The following MAF variants were observed in gnomAD, a reference collection of about 807,000 sequenced individuals.
MAF encodes MAF bZIP transcription factor.
MAF carries 10 observed loss-of-function variants against 22.0 expected under a neutral mutation model. The observed-to-expected ratio is 0.45, with a 90% CI of 0.28 to 0.77. The LOEUF (loss-of-function observed/expected upper bound fraction) is 0.77, where lower values mean the gene tolerates loss of function less well. MAF is among the 30% of genes least tolerant of loss of function. MAF has a pLI of 0.12. For synonymous variants in MAF, 337 were observed against 255.8 expected, an observed-to-expected ratio of 1.32 and a Z score of -3.03; for missense variants, 544 against 548.4, an observed-to-expected ratio of 0.99 and a Z score of 0.08.
the MAF span, among the ~76,000 whole-genome samples, chr16:79,240,432 C>T: frequency 6.9e-6 from 1 of 145,006 alleles, no homozygotes; most frequent in Non-Finnish European, 1.5e-5. Flanking sequence ...CATCTTCCCC[C>T]TCTCCTACCA....
the MAF span, among the ~76,000 whole-genome samples, chr16:79,417,736 G>T: frequency 1.3e-5 from 2 of 152,112 alleles, no homozygotes; most frequent in Non-Finnish European, 2.9e-5. Context: ...GTTTTCTCTT[G>T]TTGACCAAAT....
At chr16:79,390,337 A>C in the MAF span, among the ~76,000 whole-genome samples, 1 of 152,150 alleles carries the variant, frequency 6.6e-6, no homozygotes, top group African/African-American at 2.4e-5. Flanking sequence ...GCAGGAGATA[A>C]GTGATATGGT....
chr16:79,249,348 G>C, the MAF span, among the ~76,000 whole-genome samples: 23,464 of 151,066 alleles, frequency 0.16, 2,961 homozygotes, highest in African/African-American at 0.35. Flanking sequence ...GAATCTGGGA[G>C]GTGGAGGTTG....
chr16:79,224,100 G>A, the MAF span, among the ~76,000 whole-genome samples: 4 of 152,070 alleles, frequency 2.6e-5, no homozygotes, highest in African/African-American at 4.8e-5. Context: ...ACATTGCTGC[G>A]AAAATCCTCA....
chr16:79,566,023 C>T, the MAF span, among the ~76,000 whole-genome samples: 1 of 152,202 alleles, frequency 6.6e-6, no homozygotes, highest in African/African-American at 2.4e-5. Flanking sequence ...CCCTGGGCCA[C>T]TCTGATCCTC....
the MAF span, among the ~76,000 whole-genome samples, chr16:79,457,033 G>A: frequency 6.6e-6 from 1 of 152,042 alleles, no homozygotes; most frequent in Non-Finnish European, 1.5e-5. Flanking sequence ...TAACCTTGTA[G>A]GGACTCATTG....
At chr16:79,594,874 G>A (rs1913420829) in intron 1 of MAF, 2 of 1,218,022 alleles carry the variant, frequency 1.6e-6, no homozygotes, top group Admixed American at 8.0e-5. Flanking sequence ...TCTAAAGTTT[G>A]GGGGCCCAAA....
At chr16:79,278,865 C>T in the MAF span, among the ~76,000 whole-genome samples, 1 of 152,130 alleles carries the variant, frequency 6.6e-6, no homozygotes, top group Non-Finnish European at 1.5e-5. Flanking sequence ...AAGGCACAGC[C>T]TACTGAACAC....
the MAF span, among the ~76,000 whole-genome samples, chr16:79,463,982 A>T: frequency 6.6e-6 from 1 of 151,464 alleles, no homozygotes; most frequent in Admixed American, 6.6e-5. Context: ...AAAAAAAAAA[A>T]TACGGACGAT....
At chr16:79,310,392 A>G in the MAF span, among the ~76,000 whole-genome samples, 4 of 152,180 alleles carry the variant, frequency 2.6e-5, no homozygotes, top group Admixed American at 6.5e-5. Flanking sequence ...TAAGAGAGAG[A>G]GAGACAGACA....
chr16:79,305,306 G>A, the MAF span, among the ~76,000 whole-genome samples: 4 of 152,254 alleles, frequency 2.6e-5, no homozygotes, highest in East Asian at 1.9e-4. Context: ...ATCCACTACC[G>A]ACCCGCCTGT....
the MAF span, among the ~76,000 whole-genome samples, chr16:79,293,307 G>A: frequency 6.6e-6 from 1 of 152,086 alleles, no homozygotes; most frequent in Non-Finnish European, 1.5e-5. Context: ...AGTCTACAGA[G>A]GATGGATTAA....
At chr16:79,408,323 C>A in the MAF span, among the ~76,000 whole-genome samples, 1 of 151,838 alleles carries the variant, frequency 6.6e-6, no homozygotes, top group East Asian at 1.9e-4. Context: ...ATTACAGGTG[C>A]CTGCCACCAC....
At chr16:79,254,391 G>GCT in the MAF span, among the ~76,000 whole-genome samples, 4 of 151,862 alleles carry the variant, frequency 2.6e-5, no homozygotes, top group African/African-American at 9.7e-5. Flanking sequence ...TTCCATCCAA[G>GCT]GATCCTCTTA....
chr16:79,317,590 C>T, the MAF span, among the ~76,000 whole-genome samples: 11 of 151,902 alleles, frequency 7.2e-5, no homozygotes, highest in African/African-American at 2.4e-4. Context: ...TTCCTTTCTA[C>T]CACAAATTCT....
the MAF span, among the ~76,000 whole-genome samples, chr16:79,548,625 C>A: frequency 1.3e-5 from 2 of 152,060 alleles, no homozygotes; most frequent in Non-Finnish European, 2.9e-5. Context: ...TTCTGAAAAC[C>A]CTTGTTTTAT....
the MAF span, among the ~76,000 whole-genome samples, chr16:79,317,509 GCCTC>G: frequency 9.8e-6 from 1 of 101,924 alleles, no homozygotes; most frequent in Non-Finnish European, 1.9e-5. Context: ...TTTCTTTTCT[GCCTC>G]CCTCCCTCCC....
the MAF span, among the ~76,000 whole-genome samples, chr16:79,223,536 G>C: frequency 1.3e-5 from 2 of 152,004 alleles, no homozygotes. Flanking sequence ...AGGAGATAGA[G>C]ACACAAAAAA....
chr16:79,545,709 G>A, the MAF span, among the ~76,000 whole-genome samples: 14 of 152,108 alleles, frequency 9.2e-5, no homozygotes, highest in Admixed American at 9.2e-4. Flanking sequence ...GATGCCCATA[G>A]AAGCAGAGAG....
Sources: allele counts gnomAD v4.1 joint callset (sites outside exome capture counted in the v4.1 genomes callset), GRCh38; gene constraint gnomAD v4.1.1; transcripts MANE v1.5; gene names NCBI Gene and HGNC (gene_info 2026-07-23, HGNC 2026-07-21).